Variants in LARP4B observed in about 807,000 individuals in gnomAD.
LARP4B encodes La ribonucleoprotein 4B, also known as la-related protein 4B.
A neutral mutation model predicts 89.8 loss-of-function variants in LARP4B; 12 were observed. That is an observed-to-expected ratio of 0.13 (90% CI 0.09 to 0.22). LARP4B has a LOEUF of 0.22. LARP4B is among the 10% of genes least tolerant of loss of function. The pLI is 1.00. For missense variants in LARP4B, 757 were observed against 947.7 expected (o/e 0.80, Z 2.64); for synonymous variants, 367 against 363.3 (o/e 1.01, Z -0.12).
intron 11 of LARP4B, among the ~76,000 whole-genome samples, chr10:826,748 C>T (rs903441546): frequency 6.6e-6 from 1 of 152,140 alleles, no homozygotes; most frequent in African/African-American, 2.4e-5. Context: ...CAGTCCACAC[C>T]CTCAATGTCA....
At chr10:885,521 C>G in intron 2 of LARP4B, 120 bp downstream of exon 2, 1 of 632,072 alleles carries the variant, frequency 1.6e-6, no homozygotes, top group Non-Finnish European at 2.7e-6. Flanking sequence ...ACTCTAATAT[C>G]TGTATGCAGA....
intron 1 of LARP4B, among the ~76,000 whole-genome samples, chr10:892,462 AT>A (rs1323309594): frequency 6.6e-6 from 1 of 152,242 alleles, no homozygotes; most frequent in Non-Finnish European, 1.5e-5. Context: ...ACACAAGACA[AT>A]CTTAAAAATA....
Position 836,422 on chromosome 10 carries a change from G to C in LARP4B, c.731C>G (p.Ser244Cys), listed in dbSNP as rs1833222366. Reference protein sequence around the residue: ...NRCIVILREISESTPVEEVEA... With the variant: ...NRCIVILREICESTPVEEVEA... Reference sequence around the variant, plus strand: ...ACTTACTTCCACGGGGGTAGATTCAGATATTTCACGCAATATTACTATGCA... The same window carrying C: ...ACTTACTTCCACGGGGGTAGATTCACATATTTCACGCAATATTACTATGCA... Residue 244 changes from serine to cysteine, a missense_variant, in exon 8 of 18, where the codon TCT (serine) becomes TGT (cysteine). Ser to Cys is a moderately radical substitution (Grantham distance 112). Around this residue, in one of 5 missense-constraint regions of LARP4B, gnomAD observed 137 missense variants for 213.9 expected, o/e 0.64. Transcript: ENST00000316157. 1 of 1,609,384 alleles carries C rather than the reference G, an allele frequency of 6.2e-7. No individual in the cohort carries two copies. The highest frequency in any genetic ancestry group is 8.5e-7 in the Non-Finnish European group (1 of 1,176,388).
intron 7 of LARP4B, among the ~76,000 whole-genome samples, chr10:839,038 C>T (rs919128919): frequency 1.3e-5 from 2 of 152,288 alleles, no homozygotes; most frequent in East Asian, 1.9e-4. Flanking sequence ...TAGGATCCAA[C>T]TCTAGGACAT....
chr10:833,268 A>AAC (rs1564392029), intron 8 of LARP4B, among the ~76,000 whole-genome samples: 1 of 149,100 alleles, frequency 6.7e-6, no homozygotes, highest in East Asian at 1.9e-4. Context: ...AAAAAAAAAA[A>AAC]AAAAAAAAAA....
At chr10:849,508 T>C (rs1833938885) in intron 5 of LARP4B, among the ~76,000 whole-genome samples, 1 of 152,142 alleles carries the variant, frequency 6.6e-6, no homozygotes, top group African/African-American at 2.4e-5. Context: ...GTTGAATAAG[T>C]AAATAAATAA....
intron 5 of LARP4B, among the ~76,000 whole-genome samples, chr10:849,778 A>C (rs1833951344): frequency 6.6e-6 from 1 of 152,246 alleles, no homozygotes; most frequent in African/African-American, 2.4e-5. Flanking sequence ...ATATGTGATA[A>C]AAGTGGTGTT....
chr10:969,415 A>G, the LARP4B span, among the ~76,000 whole-genome samples: 1 of 152,100 alleles, frequency 6.6e-6, no homozygotes, highest in Non-Finnish European at 1.5e-5. Flanking sequence ...TAGGGTAGAT[A>G]GAGGAGTGAT....
intron 1 of LARP4B, among the ~76,000 whole-genome samples, chr10:913,075 T>A (rs543572536): frequency 3.3e-5 from 5 of 152,188 alleles, no homozygotes; most frequent in African/African-American, 1.2e-4. Context: ...CCCTTTTTGA[T>A]TCAACAAATA....
intron 1 of LARP4B, among the ~76,000 whole-genome samples, chr10:896,838 G>A (rs1197253361): frequency 6.6e-6 from 1 of 152,114 alleles, no homozygotes; most frequent in Admixed American, 6.6e-5. Context: ...AGATGCCCAT[G>A]TTCATGGATG....
chr10:907,052 C>T (rs1836512052), intron 1 of LARP4B, among the ~76,000 whole-genome samples: 1 of 152,226 alleles, frequency 6.6e-6, no homozygotes, highest in South Asian at 2.1e-4. Flanking sequence ...TCTCCCCATC[C>T]TCCCACAAAG....
intron 5 of LARP4B, among the ~76,000 whole-genome samples, chr10:858,429 G>A (rs540907273): frequency 1.3e-5 from 2 of 152,132 alleles, no homozygotes; most frequent in East Asian, 1.9e-4. Context: ...TGTAAGACCC[G>A]AAATGATAAA....
intron 7 of LARP4B, among the ~76,000 whole-genome samples, chr10:838,913 T>C (rs1833372744): frequency 6.6e-6 from 1 of 152,134 alleles, no homozygotes; most frequent in African/African-American, 2.4e-5. Flanking sequence ...ATCCAGACAA[T>C]GAACTATTAT....
At position 825,264 on chromosome 10, in the gene LARP4B, G is replaced by T; in HGVS notation, c.1285C>A (p.Pro429Thr). Residue 429 changes from proline (P) to threonine (T), a missense_variant, in exon 13 of 18, where the codon CCT (proline) becomes ACT (threonine). By Grantham distance (38) the Pro-to-Thr change is conservative. Coordinates refer to ENST00000316157, the MANE Select transcript of LARP4B (RefSeq NM_015155.3). ...ATTGAAGGACTTTCTAATAACCCAGGTCCCCTCTCTGCACTAGGAATCGCA... is the reference window on the plus strand; with the variant it reads ...ATTGAAGGACTTTCTAATAACCCAGTTCCCCTCTCTGCACTAGGAATCGCA... ...RHAIPSAERG[P>T]GLLESPSIFN... The T allele has an allele frequency of 6.2e-7, 1 of 1,614,092 alleles. No individual in the cohort carries two copies. Among genetic ancestry groups the T allele is most frequent in the Non-Finnish European group, 8.5e-7 (1 of 1,179,970 alleles).
In LARP4B at chr10:888,348, A is replaced by AC. The variant is rs565812790; in HGVS notation, c.-39-2589_-39-2588insG. Among the ~76,000 whole-genome samples the AC allele has an allele frequency of 8.6e-5, 13 of 151,628 alleles. No individual in the cohort carries two copies. In the East Asian group the frequency reaches 1.2e-3, roughly 13 times the overall value. On this transcript the variant is annotated intron_variant, in intron 1 of 17. Transcript: ENST00000316157. ...AACAAACAAACAAACAAAAAAAAAA[A>AC]AACACACACACACACACAAACAAAA...
At chr10:941,239 TC>T in the LARP4B span, among the ~76,000 whole-genome samples, 1 of 152,212 alleles carries the variant, frequency 6.6e-6, no homozygotes, top group Non-Finnish European at 1.5e-5. Flanking sequence ...TTCATGGAAG[TC>T]CTTCTCCAAC....
the LARP4B span, among the ~76,000 whole-genome samples, chr10:965,633 T>C: frequency 6.6e-6 from 1 of 151,886 alleles, no homozygotes; most frequent in African/African-American, 2.4e-5. Context: ...CAGGTGCTGA[T>C]TAGTTACATA....
At chr10:863,645 A>G (rs181781263) in intron 5 of LARP4B, 98 bp downstream of exon 5, 8 of 1,296,220 alleles carry the variant, frequency 6.2e-6, no homozygotes. Flanking sequence ...GCAGGCAAAG[A>G]AAGACCCATT....
rs1360942769 is a variant in LARP4B at position 814,964 on chromosome 10, G to A, written c.1802C>T (p.Ser601Phe). ...AVSATYERSP[S>F]PAHLPDDPKV... ...TACTCACTCGGGTAAATGAGCTGGGGAGGGGGATCGCTCGTACGTTGCTGA... is the reference window on the plus strand; with the variant it reads ...TACTCACTCGGGTAAATGAGCTGGGAAGGGGGATCGCTCGTACGTTGCTGA... Residue 601 changes from serine (S) to phenylalanine (F), a missense_variant, in exon 16 of 18, where the codon TCC (serine) becomes TTC (phenylalanine). Transcript: ENST00000316157. This position sits in a 1 kb window ranked among gnomAD's most constrained non-coding sequence, Gnocchi z 4.4. 6.2e-7 allele frequency: 1 copy of A among 1,602,004 alleles called. No individual in the cohort carries two copies. The highest frequency in any genetic ancestry group is 2.2e-5 in the East Asian group (1 of 44,684).
Sources: allele counts gnomAD v4.1 joint callset (sites outside exome capture counted in the v4.1 genomes callset), GRCh38; gene constraint gnomAD v4.1.1; regional missense constraint gnomAD v4.1.1; non-coding constraint Gnocchi (gnomAD v3.1); transcripts MANE v1.5; gene names NCBI Gene and HGNC (gene_info 2026-07-23, HGNC 2026-07-21).